The following TADA2A variants were observed in gnomAD, a reference collection of about 807,000 sequenced individuals.
The protein encoded by TADA2A is transcriptional adaptor 2A.
A neutral mutation model predicts 67.4 loss-of-function variants in TADA2A; 38 were observed. The ratio of observed to expected loss-of-function variants is 0.56; its 90% CI spans 0.44 to 0.74. The LOEUF is 0.74. TADA2A is among the 30% of genes least tolerant of loss of function. The pLI, the probability that TADA2A is intolerant of heterozygous loss-of-function variation, is 0.00. For missense variants in TADA2A, 454 were observed against 547.0 expected (o/e 0.83, Z 1.70); for synonymous variants, 192 against 181.6 (o/e 1.06, Z -0.46).
intron 4 of TADA2A, among the ~76,000 whole-genome samples, chr17:37,432,776 A>G (rs976004250): frequency 6.6e-6 from 1 of 152,164 alleles, no homozygotes; most frequent in African/African-American, 2.4e-5. Context: ...AACGATTGGC[A>G]AGTTTTCCAA....
chr17:37,446,171 G>A (rs2053075605), intron 8 of TADA2A, among the ~76,000 whole-genome samples: 2 of 145,790 alleles, frequency 1.4e-5, no homozygotes, highest in Non-Finnish European at 3.0e-5. Context: ...GAAAGTCAAA[G>A]TGACGCAGAT....
intron 8 of TADA2A, among the ~76,000 whole-genome samples, chr17:37,452,090 A>G (rs2053249937): frequency 6.6e-6 from 1 of 152,090 alleles, no homozygotes; most frequent in Admixed American, 6.5e-5. Context: ...GAGTAGATAA[A>G]TGAGATAAGG....
At chr17:37,462,701 T>C (rs1291316256) in intron 10 of TADA2A, among the ~76,000 whole-genome samples, 1 of 152,210 alleles carries the variant, frequency 6.6e-6, no homozygotes, top group Non-Finnish European at 1.5e-5. Context: ...TGTATTAAAA[T>C]TCTTTTTTAA....
At chr17:37,439,658 A>G (rs2052838479) in intron 5 of TADA2A, among the ~76,000 whole-genome samples, 1 of 152,180 alleles carries the variant, frequency 6.6e-6, no homozygotes, top group Admixed American at 6.6e-5. Context: ...AACAATATCC[A>G]TACCACAAAT....
intron 2 of TADA2A, 145 bp from the exon 3 acceptor site, chr17:37,423,364 T>G: frequency 1.7e-6 from 1 of 588,832 alleles, no homozygotes; most frequent in Non-Finnish European, 2.9e-6. Flanking sequence ...TTTGCTTTTT[T>G]TTATTTGTAA....
intron 8 of TADA2A, among the ~76,000 whole-genome samples, chr17:37,445,987 G>A (rs1037297724): frequency 6.6e-6 from 1 of 151,896 alleles, no homozygotes; most frequent in Non-Finnish European, 1.5e-5. Flanking sequence ...CCATAGAAGA[G>A]CTGCCTGGAT....
At chr17:37,473,127 ATTTTTTTTTTTTT>A (rs1020173351) in intron 14 of TADA2A, among the ~76,000 whole-genome samples, 3 of 85,676 alleles carry the variant, frequency 3.5e-5, no homozygotes, top group African/African-American at 1.3e-4. Flanking sequence ...ACCTGGAGAA[ATTTTTTTTTTTTT>A]TTTTTTTTTT....
intron 3 of TADA2A, among the ~76,000 whole-genome samples, chr17:37,424,808 G>T (rs188787911): frequency 3.9e-5 from 6 of 151,978 alleles, no homozygotes; most frequent in Non-Finnish European, 7.4e-5. Context: ...TGCCTGCCTC[G>T]GTCTCCCAAA....
Position 37,477,426 on chromosome 17 carries a change from A to G in TADA2A, c.*444A>G, listed in dbSNP as rs529915496. 6.5e-6 allele frequency: 1 copy of G among 154,972 alleles called. No individual in the cohort carries two copies. The highest frequency in any genetic ancestry group is 2.1e-4 in the South Asian group (1 of 4,844). 9.6% of individuals were successfully genotyped at this position (154,972 alleles called of 1,614,324 possible). A position where few individuals can be genotyped will look rare whatever the true frequency, so the allele number is the denominator to read the frequency against. Reference sequence around the variant, plus strand: ...AAAATAAAGAGAAAGGTTTTAGAGCATAAGAAAGCTCTCGTTGAAGGATTT... The same window carrying G: ...AAAATAAAGAGAAAGGTTTTAGAGCGTAAGAAAGCTCTCGTTGAAGGATTT... On this transcript the variant is annotated 3_prime_UTR_variant, in exon 16 of 16. Coordinates refer to ENST00000615182, the MANE Select transcript of TADA2A (RefSeq NM_001166105.3).
rs377429235 is a variant in TADA2A, at chr17:37,437,255, C to A, written c.193-483C>A. ...TACAGGCGCTCACCACCAGGCCCGGCTAATTTTTTATATTTTTAGTAGAGA... is the reference window on the plus strand; with the variant it reads ...TACAGGCGCTCACCACCAGGCCCGGATAATTTTTTATATTTTTAGTAGAGA... On this transcript the variant is annotated intron_variant, in intron 4 of 15. Transcript: ENST00000615182. 4.6e-5 allele frequency among the ~76,000 whole-genome samples: 7 copies of A among 151,550 alleles called. No individual in the cohort carries two copies. The East Asian group carries it at 1.4e-3, about 29-fold the overall frequency.
At chr17:37,456,467 C>G (rs987990743) in intron 8 of TADA2A, among the ~76,000 whole-genome samples, 1 of 152,044 alleles carries the variant, frequency 6.6e-6, no homozygotes, top group Non-Finnish European at 1.5e-5. Flanking sequence ...GATGCCTGAG[C>G]TAGGGAATAG....
chr17:37,435,879 T>C (rs2052709966), intron 4 of TADA2A, among the ~76,000 whole-genome samples: 1 of 151,794 alleles, frequency 6.6e-6, no homozygotes, highest in Non-Finnish European at 1.5e-5. Flanking sequence ...CACTCCCAGC[T>C]AATTTTTGTA....
chr17:37,470,033 CTT>C (rs1307864834), intron 12 of TADA2A, among the ~76,000 whole-genome samples: 4 of 151,966 alleles, frequency 2.6e-5, no homozygotes, highest in Non-Finnish European at 5.9e-5. Flanking sequence ...ACTTGTGTGA[CTT>C]TGAAAAAATT....
intron 8 of TADA2A, among the ~76,000 whole-genome samples, chr17:37,451,327 C>CTT (rs1293045987): frequency 1.7e-3 from 232 of 135,174 alleles, no homozygotes; most frequent in African/African-American, 5.6e-3. Flanking sequence ...TGTTTTTTGG[C>CTT]TTTTTTTTTT....
Position 37,479,602 on chromosome 17 carries a change from A to C in TADA2A, c.*2620A>C, listed in dbSNP as rs115874438. The C allele has an allele frequency of 6.6e-6, 1 of 152,204 alleles. No individual in the cohort carries two copies. The highest frequency in any genetic ancestry group is 1.5e-5 in the Non-Finnish European group (1 of 68,032). 9.4% of individuals were successfully genotyped at this position (152,204 alleles called of 1,614,324 possible). ...GAAGAGAGAGTTTACCCTGAAACTTAATGACATGAATAAAACCTGTTTACT... is the reference window on the plus strand; with the variant it reads ...GAAGAGAGAGTTTACCCTGAAACTTCATGACATGAATAAAACCTGTTTACT... On this transcript the variant is annotated 3_prime_UTR_variant, in exon 16 of 16. Transcript: ENST00000615182.
At position 37,444,722 on chromosome 17, in the gene TADA2A, C is replaced by G. The variant is rs753043534; in HGVS notation, c.558C>G (p.Asp186Glu). Residue 186 changes from aspartate to glutamate, a missense_variant, in exon 8 of 16, where the codon GAC (aspartate) becomes GAG (glutamate). Transcript: ENST00000615182. ...AATTTGACAATTATGCAGAATGGGACTTGAGAGACATTGATTTTGTTGAAG... is the reference window on the plus strand; with the variant it reads ...AATTTGACAATTATGCAGAATGGGAGTTGAGAGACATTGATTTTGTTGAAG... ...IEEFDNYAEW[D>E]LRDIDFVEDD... The G allele has an allele frequency of 1.2e-6, 2 of 1,613,990 alleles. No individual in the cohort carries two copies. Among genetic ancestry groups the G allele is most frequent in the Admixed American group, 1.7e-5 (1 of 59,998 alleles).
chr17:37,444,853 G>T, intron 8 of TADA2A, 85 bp downstream of exon 8: 1 of 1,226,062 alleles, frequency 8.2e-7, no homozygotes, highest in South Asian at 1.3e-5. Flanking sequence ...AGGATGAATA[G>T]AACATGTCCC....
intron 5 of TADA2A, among the ~76,000 whole-genome samples, chr17:37,438,602 C>G (rs928955741): frequency 1.1e-4 from 16 of 152,154 alleles, no homozygotes; most frequent in African/African-American, 3.4e-4. Flanking sequence ...TGCTGCCTGC[C>G]TCCCTTATGT....
intron 2 of TADA2A, among the ~76,000 whole-genome samples, chr17:37,412,426 G>A (rs1469822118): frequency 2.0e-5 from 3 of 152,012 alleles, no homozygotes; most frequent in African/African-American, 7.3e-5. Context: ...GTAAACCACG[G>A]TAGAATAATT....
Sources: gnomAD v4.1 joint callset for allele counts (sites outside exome capture counted in the v4.1 genomes callset) on GRCh38, gnomAD v4.1.1 for gene constraint, MANE v1.5 for transcripts, NCBI Gene and HGNC (gene_info 2026-07-23, HGNC 2026-07-21) for gene names.